The following SYCP1 variants were observed in gnomAD, a reference collection of about 807,000 sequenced individuals.
The protein encoded by SYCP1 is synaptonemal complex protein 1, also known as cancer/testis antigen 8.
SYCP1 carries 64 observed loss-of-function variants against 153.1 expected under a neutral mutation model. The observed-to-expected ratio is 0.42, with a 90% confidence interval of 0.34 to 0.51. The LOEUF is 0.51. Ranked by LOEUF, SYCP1 falls within the 20% of genes least tolerant of loss-of-function variation. The pLI is 0.06. For synonymous variants in SYCP1, 384 were observed against 341.8 expected, an observed-to-expected ratio of 1.12 and a Z score of -1.36; for missense variants, 997 against 1,049.0, an observed-to-expected ratio of 0.95 and a Z score of 0.68.
chr1:114,962,613 T>C (rs560839104), intron 27 of SYCP1, among the ~76,000 whole-genome samples: 6 of 152,184 alleles, frequency 3.9e-5, no homozygotes, highest in Non-Finnish European at 5.9e-5. Flanking sequence ...TGAATTCTTA[T>C]ATATTCTGCC....
intron 15 of SYCP1, among the ~76,000 whole-genome samples, chr1:114,888,513 T>A (rs1003802618): frequency 6.6e-6 from 1 of 152,024 alleles, no homozygotes; most frequent in Non-Finnish European, 1.5e-5. Context: ...TTATCCTTTT[T>A]TTCTGTGAGG....
At chr1:114,977,235 G>A (rs192202588) in intron 27 of SYCP1, among the ~76,000 whole-genome samples, 1 of 151,784 alleles carries the variant, frequency 6.6e-6, no homozygotes, top group Non-Finnish European at 1.5e-5. Context: ...TTAGTTACTT[G>A]TGCGTATCTC....
chr1:114,961,976 C>CTTTTT (rs562251009), intron 27 of SYCP1, among the ~76,000 whole-genome samples: 1 of 124,412 alleles, frequency 8.0e-6, no homozygotes, highest in Non-Finnish European at 1.7e-5. Flanking sequence ...TGCCATCTAT[C>CTTTTT]TTTTTTTTTT....
intron 8 of SYCP1, among the ~76,000 whole-genome samples, chr1:114,865,333 T>C (rs1245937581): frequency 1.3e-5 from 2 of 152,238 alleles, no homozygotes; most frequent in Non-Finnish European, 2.9e-5. Context: ...TCATTGAATG[T>C]TCAGCAATTC....
intron 16 of SYCP1, among the ~76,000 whole-genome samples, chr1:114,904,662 T>G (rs371349287): frequency 6.6e-6 from 1 of 152,260 alleles, no homozygotes; most frequent in Admixed American, 6.5e-5. Context: ...TATTTCTCTT[T>G]TTGCAGGTAT....
Position 114,994,989 on chromosome 1 carries a change from A to C in SYCP1, c.2901A>C (p.Lys967Asn), listed in dbSNP as rs776784212. Residue 967 changes from lysine (K) to asparagine (N), a missense_variant, in exon 32 of 32, where the codon AAA becomes AAC. By Grantham distance (94) the Lys-to-Asn change is moderately conservative (BLOSUM62 0). Transcript: ENST00000369522. ...AVIAKMDRKK[K>N]LKEAEKLFV is the part of the protein sequence containing the mutation. Reference sequence around the variant, plus strand: ...TTGCTAAAATGGATAGAAAAAAAAAACTAAAAGAAGCTGAAAAGTTATTTG... The same window carrying C: ...TTGCTAAAATGGATAGAAAAAAAAACCTAAAAGAAGCTGAAAAGTTATTTG... 8 of 1,602,106 alleles carry C rather than the reference A, an allele frequency of 5.0e-6. No homozygotes were observed. The African/African-American group carries it at 5.4e-5, about 11-fold the overall frequency.
At chr1:114,983,376 G>A (rs975633392) in intron 29 of SYCP1, among the ~76,000 whole-genome samples, 9 of 151,826 alleles carry the variant, frequency 5.9e-5, no homozygotes, top group South Asian at 2.1e-4. Flanking sequence ...AAGTTAAAAC[G>A]TTTGTTGTTT....
intron 29 of SYCP1, among the ~76,000 whole-genome samples, chr1:114,983,834 T>G (rs1213630166): frequency 1.3e-5 from 2 of 152,108 alleles, no homozygotes; most frequent in Non-Finnish European, 2.9e-5. Flanking sequence ...TTATGGCTTT[T>G]ATGGAGGAGT....
chr1:114,990,942 G>A (rs759924885), intron 30 of SYCP1, among the ~76,000 whole-genome samples: 5 of 152,002 alleles, frequency 3.3e-5, no homozygotes, highest in Admixed American at 6.6e-5. Flanking sequence ...GCACACCCAA[G>A]AAAGGCATGA....
chr1:114,923,706 T>G (rs921798341), intron 21 of SYCP1, 176 bp downstream of exon 21: 6 of 474,074 alleles, frequency 1.3e-5, no homozygotes, highest in African/African-American at 1.2e-4. Context: ...TTACTATTGA[T>G]ATCTATATCT....
intron 16 of SYCP1, among the ~76,000 whole-genome samples, chr1:114,902,398 G>A (rs1289087523): frequency 6.6e-6 from 1 of 152,150 alleles, no homozygotes; most frequent in African/African-American, 2.4e-5. Flanking sequence ...GAAAGATTAG[G>A]CTTGCAGACA....
At chr1:114,901,592 G>A (rs1176505842) in intron 16 of SYCP1, among the ~76,000 whole-genome samples, 2 of 152,210 alleles carry the variant, frequency 1.3e-5, no homozygotes, top group East Asian at 3.9e-4. Flanking sequence ...AAATGGCAAA[G>A]GCTAGAATAA....
chr1:114,944,730 C>T (rs1570826125), intron 24 of SYCP1, 142 bp from the exon 25 acceptor site: 4 of 686,888 alleles, frequency 5.8e-6, no homozygotes, highest in Non-Finnish European at 9.7e-6. Flanking sequence ...GAAAAAACCC[C>T]AAACAGTGCA....
intron 8 of SYCP1, among the ~76,000 whole-genome samples, chr1:114,870,408 T>C (rs546444789): frequency 6.2e-4 from 95 of 152,260 alleles, no homozygotes; most frequent in Middle Eastern, 3.4e-3. Flanking sequence ...TCTTTTTATA[T>C]GATTATTTGC....
At chr1:114,912,639 T>C (rs889060608) in intron 18 of SYCP1, among the ~76,000 whole-genome samples, 1 of 151,980 alleles carries the variant, frequency 6.6e-6, no homozygotes. Flanking sequence ...CAGCTAATGC[T>C]TCGTGTACTA....
intron 12 of SYCP1, among the ~76,000 whole-genome samples, chr1:114,878,768 C>T (rs929888004): frequency 1.3e-5 from 2 of 152,190 alleles, no homozygotes; most frequent in Non-Finnish European, 2.9e-5. Context: ...ATTTCGAACT[C>T]CTGACCTCAG....
chr1:114,856,683 C>T, intron 3 of SYCP1, 26 bp downstream of exon 3: 1 of 1,531,206 alleles, frequency 6.5e-7, no homozygotes, highest in Non-Finnish European at 9.0e-7. Flanking sequence ...AGCAGTGTAT[C>T]AGCTTATATA....
chr1:114,961,471 C>T (rs2101884476), intron 27 of SYCP1, among the ~76,000 whole-genome samples: 1 of 152,266 alleles, frequency 6.6e-6, no homozygotes, highest in Admixed American at 6.5e-5. Context: ...TTGATGTAGG[C>T]ATTTAATGCT....
At chr1:114,901,772 A>C (rs984639198) in intron 16 of SYCP1, among the ~76,000 whole-genome samples, 1 of 152,158 alleles carries the variant, frequency 6.6e-6, no homozygotes, top group Admixed American at 6.5e-5. Context: ...GAAAATATAA[A>C]TAGTGATCCC....
Sources: allele counts gnomAD v4.1 joint callset (sites outside exome capture counted in the v4.1 genomes callset), GRCh38; gene constraint gnomAD v4.1.1; transcripts MANE v1.5; gene names NCBI Gene and HGNC (gene_info 2026-07-23, HGNC 2026-07-21).